PLEKHG1: variants seen among roughly 807,000 people sequenced by gnomAD.
PLEKHG1 encodes the protein pleckstrin homology domain-containing family G member 1.
Under a neutral mutation model 100.8 loss-of-function variants are expected in PLEKHG1, and 44 were observed. The observed-to-expected ratio is 0.44, with a 90% CI of 0.34 to 0.56. The LOEUF is 0.56. Ranked by LOEUF, PLEKHG1 falls within the 20% of genes least tolerant of loss-of-function variation. The pLI, the probability that PLEKHG1 is intolerant of heterozygous loss-of-function variation, is 0.01. For synonymous variants in PLEKHG1, 640 were observed against 662.5 expected (o/e 0.97, Z 0.52); for missense variants, 1,545 against 1,720.9 (o/e 0.90, Z 1.81).
chr6:150,761,968 A>G (rs1248242898), intron 2 of PLEKHG1, among the ~76,000 whole-genome samples: 3 of 152,148 alleles, frequency 2.0e-5, no homozygotes, highest in East Asian at 1.9e-4. Flanking sequence ...GAACAGGCGC[A>G]TGTATCATCT....
intron 1 of PLEKHG1, among the ~76,000 whole-genome samples, chr6:150,619,425 C>A (rs1777202219): frequency 6.6e-6 from 1 of 152,168 alleles, no homozygotes; most frequent in South Asian, 2.1e-4. Flanking sequence ...TTCTGATGTC[C>A]ATCATCCAGC....
chr6:150,610,078 G>A (rs980517619), intron 1 of PLEKHG1, among the ~76,000 whole-genome samples: 11 of 152,124 alleles, frequency 7.2e-5, no homozygotes, highest in Admixed American at 2.6e-4. Context: ...TGGCATCCTG[G>A]GTACCTCTAT....
intron 4 of PLEKHG1, among the ~76,000 whole-genome samples, chr6:150,792,357 C>CA (rs34263748): frequency 0.15 from 12,745 of 86,704 alleles, 719 homozygotes; most frequent in Middle Eastern, 0.25. Context: ...ACTCAGTCTC[C>CA]AAAAAAAAAA....
At chr6:150,809,046 A>T (rs1787322041) in intron 7 of PLEKHG1, 59 bp from the exon 9 acceptor site, 9 of 1,487,208 alleles carry the variant, frequency 6.1e-6, no homozygotes, top group Non-Finnish European at 8.3e-6. Flanking sequence ...ATGGGCCACC[A>T]AGCCCTTGGT....
intron 10 of PLEKHG1, among the ~76,000 whole-genome samples, chr6:150,814,454 C>T (rs962223652): frequency 1.2e-4 from 18 of 152,228 alleles, no homozygotes; most frequent in African/African-American, 4.3e-4. Context: ...TATCTAAAAA[C>T]ATCTTTTCAG....
chr6:150,743,220 T>TA (rs1782976446), intron 2 of PLEKHG1, among the ~76,000 whole-genome samples: 1 of 152,068 alleles, frequency 6.6e-6, no homozygotes, highest in Admixed American at 6.6e-5. Flanking sequence ...CCACCCTCAC[T>TA]AAAAATAAAA....
At chr6:150,709,081 C>T (rs919186035) in intron 3 of PLEKHG1, among the ~76,000 whole-genome samples, 30 of 152,180 alleles carry the variant, frequency 2.0e-4, no homozygotes. Context: ...TGCCTGTAAT[C>T]CCAACACTTT....
chr6:150,722,457 G>T (rs554132805), intron 1 of PLEKHG1, among the ~76,000 whole-genome samples: 14 of 145,310 alleles, frequency 9.6e-5, no homozygotes, highest in African/African-American at 3.5e-4. Flanking sequence ...GGGTTCAAGC[G>T]ATTCTCCTGC....
intron 14 of PLEKHG1, chr6:150,827,816 G>T: frequency 7.1e-7 from 1 of 1,415,126 alleles, no homozygotes; most frequent in Non-Finnish European, 1.0e-6. Context: ...ATGAAGATAT[G>T]ACTTTGGAAG....
chr6:150,809,184 G>A lies in PLEKHG1; in HGVS notation c.992G>A (p.Arg331His), dbSNP rs772953507. 3.4e-5 allele frequency: 55 copies of A among 1,613,276 alleles called. No individual in the cohort carries two copies. The highest frequency in any genetic ancestry group is 1.6e-4 in the Middle Eastern group (1 of 6,080). ...GAACTGGTGCTTGAGGGAACCTTCC[G>A]CATCCAGCGAGCCAAGAATGAGCGG... The change falls in exon 8 of 16, where the codon CGC (arginine) becomes CAC (histidine). Residue 331 changes from arginine to histidine, a missense_variant. Physicochemically the swap from Arg to His is conservative, Grantham distance 29. Coordinates refer to ENST00000358517, the Ensembl canonical transcript of PLEKHG1.
chr6:150,734,326 C>T (rs563123665), intron 2 of PLEKHG1, among the ~76,000 whole-genome samples: 1 of 152,232 alleles, frequency 6.6e-6, no homozygotes, highest in African/African-American at 2.4e-5. Flanking sequence ...TGATACAGTA[C>T]CCATACCAAG....
At chr6:150,740,388 G>A (rs1782787342) in intron 2 of PLEKHG1, among the ~76,000 whole-genome samples, 1 of 152,252 alleles carries the variant, frequency 6.6e-6, no homozygotes. Flanking sequence ...AGCCTTACCT[G>A]CTTAGGATGC....
chr6:150,710,520 G>A (rs1268942040), intron 3 of PLEKHG1, among the ~76,000 whole-genome samples: 1 of 152,182 alleles, frequency 6.6e-6, no homozygotes, highest in African/African-American at 2.4e-5. Context: ...CTGTCTGGAG[G>A]AGAAAGAAAA....
chr6:150,605,433 G>A (rs1015237731), intron 1 of PLEKHG1: 1 of 152,198 alleles, frequency 6.6e-6, no homozygotes, highest in Non-Finnish European at 1.5e-5. Context: ...CAATTATTAG[G>A]AATAAATGGG....
intron 3 of PLEKHG1, among the ~76,000 whole-genome samples, chr6:150,699,950 A>G (rs76318421): frequency 0.043 from 6,554 of 152,276 alleles, 454 homozygotes; most frequent in African/African-American, 0.15. Flanking sequence ...GTTTAACATC[A>G]ATAGAGCCAA....
chr6:150,674,671 CT>C (rs1779690201), intron 3 of PLEKHG1, among the ~76,000 whole-genome samples: 1 of 145,220 alleles, frequency 6.9e-6, no homozygotes, highest in African/African-American at 2.6e-5. Flanking sequence ...CTCTCTCTCT[CT>C]CTCTCTCTCT....
Position 150,620,798 on chromosome 6 carries a change from A to G in PLEKHG1, c.-203-17282A>G, listed in dbSNP as rs185200268. Among the ~76,000 whole-genome samples, 44 of 152,302 alleles carry G rather than the reference A, an allele frequency of 2.9e-4. No homozygotes were observed. The East Asian group carries it at 6.4e-3, about 22-fold the overall frequency. ...AGGCTCTGCCCTCGTGGGGTTTGCA[A>G]TCTCTACAAGAGACATTACAAACAA... On this transcript the variant is annotated intron_variant, in intron 1 of 3. Transcript: ENST00000367326.
intron 1 of PLEKHG1, among the ~76,000 whole-genome samples, chr6:150,603,365 G>A (rs1478488375): frequency 1.3e-5 from 2 of 152,192 alleles, no homozygotes; most frequent in East Asian, 3.9e-4. Flanking sequence ...TCTGTGCCAA[G>A]TAGAATTTAC....
chr6:150,774,625 T>C (rs1468203703), intron 3 of PLEKHG1, among the ~76,000 whole-genome samples: 2 of 137,828 alleles, frequency 1.5e-5, no homozygotes. Context: ...CACTGCAGCC[T>C]CCATCTCCCG....
Sources: gnomAD v4.1 joint callset for allele counts (sites outside exome capture counted in the v4.1 genomes callset) on GRCh38, gnomAD v4.1.1 for gene constraint, MANE v1.5 for transcripts, NCBI Gene and HGNC (gene_info 2026-07-23, HGNC 2026-07-21) for gene names.